The following LMO7 variants were observed in gnomAD, a reference collection of about 807,000 sequenced individuals.
The protein encoded by LMO7 is LIM domain 7, also known as LIM domain only protein 7.
Under a neutral mutation model 206.5 loss-of-function variants are expected in LMO7, and 120 were observed. The observed-to-expected ratio is 0.58, with a 90% confidence interval of 0.50 to 0.68. The LOEUF (loss-of-function observed/expected upper bound fraction) is 0.68. Among genes scored for constraint, LMO7 ranks in the 30% least tolerant of loss-of-function variants. The pLI, the probability that LMO7 is intolerant of heterozygous loss-of-function variation, is 0.00. For synonymous variants in LMO7, 706 were observed against 681.5 expected (o/e 1.04, Z -0.56); for missense variants, 1,959 against 1,957.9 (o/e 1.00, Z -0.01).
chr13:75,793,973 C>T (rs2053641535), intron 4 of LMO7, among the ~76,000 whole-genome samples: 1 of 151,776 alleles, frequency 6.6e-6, no homozygotes, highest in African/African-American at 2.4e-5. Flanking sequence ...AGAGGTTGAA[C>T]TTGTGGTTGA....
chr13:75,690,330 T>C (rs1222757232), intron 1 of LMO7, among the ~76,000 whole-genome samples: 1 of 152,094 alleles, frequency 6.6e-6, no homozygotes, highest in Non-Finnish European at 1.5e-5. Context: ...GGGGGTCTTC[T>C]CTGCTTTGAT....
chr13:75,677,931 T>C (rs1433720734), intron 1 of LMO7, among the ~76,000 whole-genome samples: 1 of 151,978 alleles, frequency 6.6e-6, no homozygotes, highest in Admixed American at 6.6e-5. Context: ...CTGAGAATGA[T>C]GGTTTCCAGC....
intron 3 of LMO7, among the ~76,000 whole-genome samples, chr13:75,757,864 C>T (rs2047814285): frequency 6.7e-6 from 1 of 149,498 alleles, no homozygotes; most frequent in Non-Finnish European, 1.5e-5. Context: ...CTTTGAGAAG[C>T]CACTTTTGGT....
At chr13:75,795,599 A>T (rs2053895724) in intron 5 of LMO7, among the ~76,000 whole-genome samples, 168 bp downstream of exon 5, 1 of 152,228 alleles carries the variant, frequency 6.6e-6, no homozygotes, top group Non-Finnish European at 1.5e-5. Context: ...GCATTACAAT[A>T]TATGGTTAGG....
intron 4 of LMO7, among the ~76,000 whole-genome samples, chr13:75,767,767 C>G (rs776930671): frequency 4.6e-5 from 7 of 152,070 alleles, no homozygotes; most frequent in Non-Finnish European, 7.4e-5. Context: ...TGAACAGAAT[C>G]ATCTTTGAAG....
Position 75,771,737 on chromosome 13 carries a change from T to A in LMO7, c.317+10699T>A, listed in dbSNP as rs554052040. Among the ~76,000 whole-genome samples, 59 of 152,156 alleles carry A rather than the reference T, an allele frequency of 3.9e-4. 1 individual carries two copies. Among genetic ancestry groups the A allele is most frequent in the Admixed American group, 3.4e-3 (52 of 15,252 alleles). On this transcript the variant is annotated intron_variant, in intron 4 of 30. Coordinates refer to ENST00000377534, the MANE Select transcript of LMO7 (RefSeq NM_001306080.2). ...GGTCTTTAAAAAAGAAAACATAACA[T>A]GGGATATTATTTTGTTGTAATTTAG...
chr13:75,731,726 G>A (rs565046463), intron 3 of LMO7, among the ~76,000 whole-genome samples: 21 of 152,042 alleles, frequency 1.4e-4, no homozygotes, highest in African/African-American at 4.6e-4. Flanking sequence ...TCCTAGTCTC[G>A]ATGGTCTTTA....
At chr13:75,734,658 A>T (rs969755346) in intron 3 of LMO7, among the ~76,000 whole-genome samples, 3 of 152,242 alleles carry the variant, frequency 2.0e-5, no homozygotes, top group Non-Finnish European at 2.9e-5. Context: ...GAAGGAATGA[A>T]AAATTTTTAA....
intron 4 of LMO7, among the ~76,000 whole-genome samples, chr13:75,786,015 T>C (rs1210522189): frequency 1.3e-5 from 2 of 152,142 alleles, no homozygotes; most frequent in Non-Finnish European, 2.9e-5. Flanking sequence ...GAGAAGTCAC[T>C]AGTAATTTAG....
At chr13:75,653,685 T>C (rs1014261464) in intron 1 of LMO7, among the ~76,000 whole-genome samples, 1 of 152,194 alleles carries the variant, frequency 6.6e-6, no homozygotes, top group Non-Finnish European at 1.5e-5. Flanking sequence ...GTACAACTGG[T>C]AGCAGTCTGT....
chr13:75,774,712 C>G (rs2050155496), intron 4 of LMO7, among the ~76,000 whole-genome samples: 1 of 152,028 alleles, frequency 6.6e-6, no homozygotes, highest in South Asian at 2.1e-4. Context: ...ACTGAGTTGT[C>G]TTTATCTCAT....
In LMO7 at chr13:75,838,196, G is replaced by C; in HGVS notation, c.3451G>C (p.Gly1151Arg). The C allele has an allele frequency of 6.2e-7, 1 of 1,606,002 alleles. No homozygotes were observed. Among genetic ancestry groups the C allele is most frequent in the Non-Finnish European group, 8.5e-7 (1 of 1,173,210 alleles). The change falls in exon 20 of 31, where the codon GGA becomes CGA. Residue 1151 changes from glycine to arginine, a missense_variant and splice_region_variant. By Grantham distance (125) the Gly-to-Arg change is moderately radical. Coordinates refer to ENST00000377534, the MANE Select transcript of LMO7 (RefSeq NM_001306080.2). ...AAGGCGATCACAATTTTTTGAACAA[G>C]GTAAACCACAAAGCTAACAATTCAT... Reference protein sequence around the residue: ...LKRRSQFFEQGSSDSVVPDLP... With the variant: ...LKRRSQFFEQRSSDSVVPDLP...
At chr13:75,796,778 C>A in intron 6 of LMO7, 29 bp downstream of exon 6, 1 of 1,289,098 alleles carries the variant, frequency 7.8e-7, no homozygotes, top group Non-Finnish European at 1.1e-6. Flanking sequence ...TGTGAGATTA[C>A]TGCTGTAATA....
chr13:75,830,211 T>A (rs985316672), intron 15 of LMO7, among the ~76,000 whole-genome samples: 3 of 152,208 alleles, frequency 2.0e-5, no homozygotes, highest in Middle Eastern at 3.2e-3. Context: ...ATAGATATGT[T>A]CACTTGCAAG....
intron 2 of LMO7, among the ~76,000 whole-genome samples, chr13:75,623,967 A>G (rs914329742): frequency 2.6e-5 from 4 of 151,984 alleles, no homozygotes; most frequent in African/African-American, 9.7e-5. Context: ...TTGGAGTTAC[A>G]CCTCCTATAA....
intron 1 of LMO7, among the ~76,000 whole-genome samples, chr13:75,638,804 A>G (rs1259355626): frequency 1.3e-5 from 2 of 152,112 alleles, no homozygotes; most frequent in Non-Finnish European, 2.9e-5. Flanking sequence ...AAGAAGCAGG[A>G]TGAATGACTC....
chr13:75,716,967 TAGTC>T, intron 2 of LMO7, among the ~76,000 whole-genome samples: 1 of 151,796 alleles, frequency 6.6e-6, no homozygotes, highest in East Asian at 1.9e-4. Context: ...TGTCAGTGGT[TAGTC>T]AGTCTGTACC....
At position 75,840,386 on chromosome 13, in the gene LMO7, G is replaced by A. The variant is rs1161072357; in HGVS notation, c.3478-5G>A. On this transcript the variant is annotated splice_region_variant and splice_polypyrimidine_tract_variant and intron_variant, in intron 21 of 30. Coordinates refer to ENST00000377534, the MANE Select transcript of LMO7 (RefSeq NM_001306080.2). Reference sequence around the variant, plus strand: ...ATTTGCATCTCTTCTCTGATAACTGGTTAGCTTCCAGTTCCAACCATCAGT... The same window carrying A: ...ATTTGCATCTCTTCTCTGATAACTGATTAGCTTCCAGTTCCAACCATCAGT... The A allele has an allele frequency of 2.5e-6, 4 of 1,613,928 alleles. No individual in the cohort carries two copies. The South Asian group carries it at 3.3e-5, about 13-fold the overall frequency.
chr13:75,848,916 G>A (rs986410086), intron 26 of LMO7, 163 bp from the exon 27 acceptor site: 9 of 586,240 alleles, frequency 1.5e-5, no homozygotes, highest in Admixed American at 3.0e-5. Flanking sequence ...TCACACCAAC[G>A]TCTATTATTT....
Sources: gnomAD v4.1 joint callset for allele counts (sites outside exome capture counted in the v4.1 genomes callset) on GRCh38, gnomAD v4.1.1 for gene constraint, MANE v1.5 for transcripts, NCBI Gene and HGNC (gene_info 2026-07-23, HGNC 2026-07-21) for gene names.